CNTNAP2: variants seen among roughly 807,000 people sequenced by gnomAD.
CNTNAP2 encodes the protein contactin associated protein 2.
CNTNAP2 carries 98 observed loss-of-function variants against 155.2 expected under a neutral mutation model. The ratio of observed to expected loss-of-function variants is 0.63; its 90% CI spans 0.54 to 0.75. CNTNAP2 has a LOEUF of 0.75. Among genes scored for constraint, CNTNAP2 ranks in the 30% least tolerant of loss-of-function variants. CNTNAP2 has a pLI of 0.00. For synonymous variants in CNTNAP2, 651 were observed against 631.2 expected, an observed-to-expected ratio of 1.03 and a Z score of -0.47; for missense variants, 1,727 against 1,688.1, an observed-to-expected ratio of 1.02 and a Z score of -0.40.
chr7:147,058,929 G>GGAAGT (rs1258023300), intron 4 of CNTNAP2, among the ~76,000 whole-genome samples: 1 of 152,128 alleles, frequency 6.6e-6, no homozygotes, highest in African/African-American at 2.4e-5. Context: ...TTCCTACTAA[G>GGAAGT]GAAGTAAACG....
At chr7:147,960,006 T>A (rs1268878940) in intron 14 of CNTNAP2, among the ~76,000 whole-genome samples, 1 of 152,128 alleles carries the variant, frequency 6.6e-6, no homozygotes, top group Non-Finnish European at 1.5e-5. Context: ...GGAATAAGCC[T>A]CAGCACCTCG....
At chr7:147,741,344 G>T (rs1796953012) in intron 13 of CNTNAP2, among the ~76,000 whole-genome samples, 1 of 152,132 alleles carries the variant, frequency 6.6e-6, no homozygotes, top group Non-Finnish European at 1.5e-5. Flanking sequence ...AAATAAAATG[G>T]GTCCTGTAAA....
chr7:148,107,355 C>A (rs990115883), intron 15 of CNTNAP2, among the ~76,000 whole-genome samples: 2 of 152,184 alleles, frequency 1.3e-5, no homozygotes, highest in Admixed American at 1.3e-4. Context: ...ACCCGAATCA[C>A]AGAGACACAC....
chr7:147,050,560 A>G (rs920561652), intron 4 of CNTNAP2, among the ~76,000 whole-genome samples: 5 of 152,212 alleles, frequency 3.3e-5, no homozygotes, highest in Non-Finnish European at 7.3e-5. Flanking sequence ...GTTAAATACA[A>G]ATAAGTAAAA....
intron 1 of CNTNAP2, among the ~76,000 whole-genome samples, chr7:146,281,362 G>A (rs1800248611): frequency 6.6e-6 from 1 of 152,058 alleles, no homozygotes; most frequent in Admixed American, 6.6e-5. Context: ...AAGCTGATGA[G>A]GTAAAGAGGG....
intron 1 of CNTNAP2, among the ~76,000 whole-genome samples, chr7:146,244,321 G>A (rs563333342): frequency 1.4e-4 from 21 of 152,262 alleles, no homozygotes; most frequent in African/African-American, 4.8e-4. Context: ...AACAAGAGCA[G>A]GGCATGCATG....
chr7:146,371,616 C>T (rs1270400680), intron 1 of CNTNAP2, among the ~76,000 whole-genome samples: 1 of 151,768 alleles, frequency 6.6e-6, no homozygotes, highest in Non-Finnish European at 1.5e-5. Context: ...CCGCCCACCT[C>T]GGCCTCCCAA....
intron 1 of CNTNAP2, among the ~76,000 whole-genome samples, chr7:146,187,488 C>A (rs1584793194): frequency 6.6e-6 from 1 of 152,190 alleles, no homozygotes; most frequent in Admixed American, 6.6e-5. Flanking sequence ...ATCCACAAAA[C>A]TATACATTAT....
chr7:148,006,663 GAGTT>G (rs780361964), intron 15 of CNTNAP2, among the ~76,000 whole-genome samples: 2 of 147,564 alleles, frequency 1.4e-5, no homozygotes, highest in Non-Finnish European at 3.0e-5. Flanking sequence ...AAAAAAAACT[GAGTT>G]AGGCTTACAG....
chr7:147,586,610 T>G (rs998573200), intron 12 of CNTNAP2, among the ~76,000 whole-genome samples: 9 of 141,250 alleles, frequency 6.4e-5, no homozygotes, highest in East Asian at 2.2e-4. Flanking sequence ...AAGGAGGGAA[T>G]GGGAGGGTAA....
intron 8 of CNTNAP2, among the ~76,000 whole-genome samples, chr7:147,207,927 G>A (rs185386523): frequency 6.6e-6 from 1 of 152,200 alleles, no homozygotes; most frequent in African/African-American, 2.4e-5. Context: ...ATAGTGCTTT[G>A]AGTCTGTACT....
intron 17 of CNTNAP2, among the ~76,000 whole-genome samples, chr7:148,152,209 A>T (rs1193931298): frequency 6.6e-6 from 1 of 151,974 alleles, no homozygotes; most frequent in Non-Finnish European, 1.5e-5. Context: ...AGGACAGCCA[A>T]GCAGAAGGAC....
At chr7:146,906,997 T>C (rs1262985104) in intron 3 of CNTNAP2, among the ~76,000 whole-genome samples, 2 of 148,760 alleles carry the variant, frequency 1.3e-5, no homozygotes, top group East Asian at 4.0e-4. Flanking sequence ...GAGAACTACG[T>C]GAAGAATGCA....
intron 4 of CNTNAP2, among the ~76,000 whole-genome samples, chr7:147,078,441 G>A (rs1483415987): frequency 2.0e-5 from 3 of 152,024 alleles, no homozygotes; most frequent in African/African-American, 7.2e-5. Context: ...CTGGAGCCCC[G>A]ATGACTGTTT....
intron 1 of CNTNAP2, among the ~76,000 whole-genome samples, chr7:146,400,043 G>T (rs1795691413): frequency 1.3e-5 from 2 of 152,090 alleles, no homozygotes; most frequent in South Asian, 4.1e-4. Flanking sequence ...TCCAGTTTTG[G>T]TAAGAGAACC....
intron 8 of CNTNAP2, among the ~76,000 whole-genome samples, chr7:147,253,932 C>T (rs574412993): frequency 6.6e-6 from 1 of 152,098 alleles, no homozygotes; most frequent in Non-Finnish European, 1.5e-5. Context: ...GTGACAAGGG[C>T]CCTCTTTTGT....
chr7:146,738,367 T>C (rs1801655283), intron 1 of CNTNAP2, among the ~76,000 whole-genome samples: 1 of 152,078 alleles, frequency 6.6e-6, no homozygotes, highest in African/African-American at 2.4e-5. Context: ...GCTATTTTAT[T>C]GTTGCTGTTG....
intron 1 of CNTNAP2, among the ~76,000 whole-genome samples, chr7:146,397,426 AG>A (rs1390961880): frequency 1.3e-5 from 2 of 152,176 alleles, no homozygotes; most frequent in Non-Finnish European, 1.5e-5. Context: ...TGTCATTCAA[AG>A]GGTTATTTGT....
At chr7:146,615,927 C>A (rs1021713251) in intron 1 of CNTNAP2, among the ~76,000 whole-genome samples, 1 of 152,134 alleles carries the variant, frequency 6.6e-6, no homozygotes, top group Non-Finnish European at 1.5e-5. Flanking sequence ...AACATCTCTC[C>A]CCACATAATA....
Sources: gnomAD v4.1 joint callset for allele counts (sites outside exome capture counted in the v4.1 genomes callset) on GRCh38, gnomAD v4.1.1 for gene constraint, MANE v1.5 for transcripts, NCBI Gene and HGNC (gene_info 2026-07-23, HGNC 2026-07-21) for gene names.